Variants in AKT3 observed in about 807,000 individuals in gnomAD.
The protein encoded by AKT3 is AKT serine/threonine kinase 3.
Under a neutral mutation model 65.3 loss-of-function variants are expected in AKT3, and 15 were observed. The observed-to-expected ratio is 0.23, with a 90% confidence interval of 0.15 to 0.35. The LOEUF is 0.35. Ranked by LOEUF, AKT3 falls within the 10% of genes least tolerant of loss-of-function variation. The pLI is 1.00. For synonymous variants in AKT3, 206 were observed against 183.8 expected, an observed-to-expected ratio of 1.12 and a Z score of -0.98; for missense variants, 243 against 576.5, an observed-to-expected ratio of 0.42 and a Z score of 5.92.
chr1:243,774,639 A>T (rs1050687755), intron 2 of AKT3, among the ~76,000 whole-genome samples: 2 of 152,206 alleles, frequency 1.3e-5, no homozygotes, highest in African/African-American at 4.8e-5. Flanking sequence ...CTTTTTAACC[A>T]CTACAGCCAA....
chr1:243,783,622 T>TA (rs1234632866), intron 2 of AKT3, among the ~76,000 whole-genome samples: 3 of 152,092 alleles, frequency 2.0e-5, no homozygotes, highest in Admixed American at 6.6e-5. Context: ...TTTTAATTCT[T>TA]AAAAAAAATC....
At chr1:243,679,199 CTG>C (rs773197702) in intron 3 of AKT3, among the ~76,000 whole-genome samples, 45 of 152,126 alleles carry the variant, frequency 3.0e-4, no homozygotes, top group Non-Finnish European at 7.3e-5. Flanking sequence ...TATCAATTAA[CTG>C]TTTATTGGTA....
At chr1:243,579,558 G>A (rs1214086825) in intron 8 of AKT3, among the ~76,000 whole-genome samples, 1 of 152,132 alleles carries the variant, frequency 6.6e-6, no homozygotes, top group Admixed American at 6.5e-5. Flanking sequence ...ATTTAGGTGG[G>A]CTGAAAAGAG....
intron 2 of AKT3, among the ~76,000 whole-genome samples, chr1:243,742,571 G>A (rs1283941425): frequency 6.6e-6 from 1 of 152,198 alleles, no homozygotes; most frequent in African/African-American, 2.4e-5. Context: ...GTTGCAGTGA[G>A]TCGAGACGGC....
intron 2 of AKT3, among the ~76,000 whole-genome samples, chr1:243,739,958 C>G (rs939237324): frequency 6.6e-6 from 1 of 152,206 alleles, no homozygotes; most frequent in African/African-American, 2.4e-5. Context: ...CACTATTGCT[C>G]ATTATTGTAT....
chr1:243,846,927 A>T (rs1265241321), intron 1 of AKT3, among the ~76,000 whole-genome samples: 1 of 152,228 alleles, frequency 6.6e-6, no homozygotes, highest in Admixed American at 6.5e-5. Context: ...ATACAGGTAA[A>T]GCACATAGAA....
At chr1:243,563,185 T>C (rs955217011) in intron 10 of AKT3, among the ~76,000 whole-genome samples, 2 of 152,188 alleles carry the variant, frequency 1.3e-5, no homozygotes, top group Non-Finnish European at 1.5e-5. Flanking sequence ...CAATAAATAT[T>C]TGTTGAATAA....
At chr1:243,680,587 G>A (rs150051543) in intron 3 of AKT3, among the ~76,000 whole-genome samples, 121 of 151,962 alleles carry the variant, frequency 8.0e-4, no homozygotes, top group Admixed American at 2.2e-3. Context: ...TATAATAAAC[G>A]CTTTTAAATT....
chr1:243,780,757 T>C (rs569704434), intron 2 of AKT3, among the ~76,000 whole-genome samples: 38 of 152,062 alleles, frequency 2.5e-4, no homozygotes, highest in African/African-American at 8.7e-4. Flanking sequence ...CTGAATTATG[T>C]CAAGATAAAA....
rs932830935 is a variant in AKT3 at position 243,545,401 on chromosome 1, A to G, written c.1251+109T>C. 1.7e-5 allele frequency: 10 copies of G among 584,720 alleles called. No individual in the cohort carries two copies. The African/African-American group carries it at 1.9e-4, about 11-fold the overall frequency. 36.2% of individuals were successfully genotyped at this position (584,720 alleles called of 1,614,324 possible). ...AATCACTTAAATGTCGGTAAAATGG[A>G]AAGTATCATTACATCATTAACTTTT... is the stretch of plus-strand genomic sequence containing the variant. On this transcript the variant is annotated intron_variant, in intron 12 of 13. Coordinates refer to ENST00000673466, the MANE Select transcript of AKT3 (RefSeq NM_005465.7).
chr1:243,619,818 T>G (rs1678602834), intron 6 of AKT3, among the ~76,000 whole-genome samples: 1 of 94,708 alleles, frequency 1.1e-5, no homozygotes, highest in African/African-American at 2.7e-5. Flanking sequence ...TGTAGATGTC[T>G]CCCCGATATG....
At chr1:243,820,132 G>C (rs2148420615) in intron 2 of AKT3, among the ~76,000 whole-genome samples, 3 of 152,180 alleles carry the variant, frequency 2.0e-5, no homozygotes, top group Middle Eastern at 6.8e-3. Flanking sequence ...TGTTAGCCAG[G>C]ATGGTCTCGA....
intron 12 of AKT3, among the ~76,000 whole-genome samples, chr1:243,539,156 C>T (rs1225160171): frequency 6.6e-6 from 1 of 152,028 alleles, no homozygotes; most frequent in Non-Finnish European, 1.5e-5. Context: ...CATGGGCCCA[C>T]GTACACCCGG....
At chr1:243,833,545 T>C (rs1040501747) in intron 2 of AKT3, among the ~76,000 whole-genome samples, 1 of 151,882 alleles carries the variant, frequency 6.6e-6, no homozygotes, top group African/African-American at 2.4e-5. Flanking sequence ...CCTTGACACG[T>C]AGGGATTACA....
chr1:243,581,661 G>A (rs543584225), intron 8 of AKT3, among the ~76,000 whole-genome samples: 37 of 152,066 alleles, frequency 2.4e-4, no homozygotes, highest in East Asian at 7.7e-4. Flanking sequence ...AAAAAGCAGC[G>A]TAAGAATTCC....
chr1:243,618,949 T>A (rs1678542355), intron 6 of AKT3, among the ~76,000 whole-genome samples: 2 of 152,100 alleles, frequency 1.3e-5, no homozygotes, highest in South Asian at 4.1e-4. Context: ...TCTCCTTTAA[T>A]CCCTGCACCA....
At chr1:243,656,238 C>A (rs1237796156) in intron 4 of AKT3, among the ~76,000 whole-genome samples, 2 of 152,010 alleles carry the variant, frequency 1.3e-5, no homozygotes, top group African/African-American at 2.4e-5. Flanking sequence ...AGAATGGAGA[C>A]CCCTATGAAA....
At chr1:243,658,304 G>A (rs1199332663) in intron 4 of AKT3, among the ~76,000 whole-genome samples, 1 of 152,098 alleles carries the variant, frequency 6.6e-6, no homozygotes, top group Non-Finnish European at 1.5e-5. Flanking sequence ...GACTTGAATA[G>A]ACATTTCTTC....
chr1:243,831,189 A>T (rs775870633), intron 2 of AKT3, among the ~76,000 whole-genome samples: 2 of 152,220 alleles, frequency 1.3e-5, no homozygotes, highest in Non-Finnish European at 2.9e-5. Flanking sequence ...CGTGCTCAAA[A>T]TAATGGTGAA....
Sources: gnomAD v4.1 joint callset for allele counts (sites outside exome capture counted in the v4.1 genomes callset) on GRCh38, gnomAD v4.1.1 for gene constraint, MANE v1.5 for transcripts, NCBI Gene and HGNC (gene_info 2026-07-23, HGNC 2026-07-21) for gene names.